ANP32B: variants seen among roughly 807,000 people sequenced by gnomAD.
ANP32B encodes the protein acidic leucine-rich nuclear phosphoprotein 32 family member B.
Under a neutral mutation model 32.2 loss-of-function variants are expected in ANP32B, and 6 were observed. That is an observed-to-expected ratio of 0.19 (90% CI 0.10 to 0.37). ANP32B has a LOEUF of 0.37. Ranked by LOEUF, ANP32B falls within the 10% of genes least tolerant of loss-of-function variation. The probability of loss-of-function intolerance (pLI) is 1.00; values close to 1 mark genes in which losing one functional copy is unlikely to be tolerated. For missense variants in ANP32B, 204 were observed against 289.2 expected (o/e 0.71, Z 2.14); for synonymous variants, 98 against 105.8 (o/e 0.93, Z 0.45).
At chr9:98,014,740 G>C (rs1828245878) in intron 6 of ANP32B, among the ~76,000 whole-genome samples, 1 of 152,158 alleles carries the variant, frequency 6.6e-6, no homozygotes, top group South Asian at 2.1e-4. Context: ...AGACGTGCTA[G>C]ATAGCACGAG....
At chr9:98,011,744 C>T (rs996275102) in intron 5 of ANP32B, among the ~76,000 whole-genome samples, 23 of 152,196 alleles carry the variant, frequency 1.5e-4, no homozygotes, top group African/African-American at 5.5e-4. Flanking sequence ...TTTACCAAGT[C>T]TAAACTTTTT....
chr9:98,010,330 C>T (rs1253510447), intron 4 of ANP32B, among the ~76,000 whole-genome samples: 1 of 147,504 alleles, frequency 6.8e-6, no homozygotes, highest in Non-Finnish European at 1.5e-5. Flanking sequence ...CACTTGTAAT[C>T]CCAACACTTG....
intron 2 of ANP32B, 50 bp downstream of exon 2, chr9:97,994,830 A>G (rs1483005243): frequency 3.3e-6 from 5 of 1,531,642 alleles, no homozygotes; most frequent in East Asian, 2.3e-5. Flanking sequence ...GGGAAGGGAA[A>G]ATGTATGATT....
intron 2 of ANP32B, among the ~76,000 whole-genome samples, chr9:97,995,488 C>T (rs890959995): frequency 6.6e-6 from 1 of 152,170 alleles, no homozygotes; most frequent in Non-Finnish European, 1.5e-5. Flanking sequence ...CTAAGGCACA[C>T]GTAGAAGGAA....
intron 4 of ANP32B, among the ~76,000 whole-genome samples, chr9:98,009,766 AT>A (rs1828148195): frequency 6.6e-6 from 1 of 152,258 alleles, no homozygotes; most frequent in South Asian, 2.1e-4. Flanking sequence ...CAGCATGAGT[AT>A]TTCTTTTCTT....
At chr9:97,995,851 C>T (rs1388272792) in intron 2 of ANP32B, among the ~76,000 whole-genome samples, 3 of 148,070 alleles carry the variant, frequency 2.0e-5, no homozygotes, top group East Asian at 2.0e-4. Flanking sequence ...TGAACCCAGG[C>T]GGTGGCTGAG....
At chr9:98,002,301 G>A (rs1790936451) in intron 3 of ANP32B, 1 of 152,164 alleles carries the variant, frequency 6.6e-6, no homozygotes, top group African/African-American at 2.4e-5. Flanking sequence ...GACAAAGAAG[G>A]CATCAATTCA....
chr9:98,015,227 C>A, intron 6 of ANP32B, 137 bp from the exon 7 acceptor site: 1 of 1,240,056 alleles, frequency 8.1e-7, no homozygotes, highest in Non-Finnish European at 1.1e-6. Context: ...TGCTATTAGT[C>A]ACCTATATTA....
intron 3 of ANP32B, among the ~76,000 whole-genome samples, chr9:98,003,363 C>T (rs1256123827): frequency 6.6e-6 from 1 of 152,160 alleles, no homozygotes; most frequent in African/African-American, 2.4e-5. Flanking sequence ...TAGCCCTTTT[C>T]TCTAAGGGCC....
chr9:97,991,719 C>T (rs1337065721), intron 1 of ANP32B, among the ~76,000 whole-genome samples: 1 of 152,152 alleles, frequency 6.6e-6, no homozygotes, highest in Non-Finnish European at 1.5e-5. Context: ...TGTATTCTTT[C>T]ACTTAGCAAT....
chr9:97,989,340 C>G (rs1827787462), intron 1 of ANP32B, among the ~76,000 whole-genome samples: 1 of 152,070 alleles, frequency 6.6e-6, no homozygotes, highest in Non-Finnish European at 1.5e-5. Flanking sequence ...CTGTAGAAAA[C>G]AAATATGAGT....
intron 3 of ANP32B, among the ~76,000 whole-genome samples, chr9:98,003,023 G>A (rs1828020412): frequency 6.6e-6 from 1 of 152,170 alleles, no homozygotes; most frequent in African/African-American, 2.4e-5. Context: ...TGGCATTGCA[G>A]CATTTTTTTC....
intron 1 of ANP32B, among the ~76,000 whole-genome samples, chr9:97,990,221 G>T (rs1001889215): frequency 2.1e-4 from 32 of 152,178 alleles, no homozygotes; most frequent in African/African-American, 7.7e-4. Flanking sequence ...TTATCACTGA[G>T]TGTGAGTGCA....
At chr9:97,983,848 CTT>C (rs901957124) in intron 1 of ANP32B, among the ~76,000 whole-genome samples, 10 of 151,952 alleles carry the variant, frequency 6.6e-5, no homozygotes, top group African/African-American at 2.4e-4. Flanking sequence ...GGAAAGCAAA[CTT>C]TGAGCGCTTC....
chr9:97,986,010 G>A (rs1334161075), intron 1 of ANP32B, among the ~76,000 whole-genome samples: 1 of 152,074 alleles, frequency 6.6e-6, no homozygotes, highest in African/African-American at 2.4e-5. Context: ...TAGTAGAGGC[G>A]GGGTTTCTCC....
Position 98,003,814 on chromosome 9 carries a change from C to T in ANP32B, c.328-1150C>T, listed in dbSNP as rs146677270. 4.0e-3 allele frequency among the ~76,000 whole-genome samples: 605 copies of T among 152,202 alleles called. 3 individuals carry two copies. The highest frequency in any genetic ancestry group is 0.013 in the African/African-American group (555 of 41,518). ...TTTAGTACTATCTTCTTAGAGAATA[C>T]CGAAGTTTTTCTCTTGATTCAGAAC... On this transcript the variant is annotated intron_variant, in intron 3 of 6. Transcript: ENST00000339399.
Position 98,012,444 on chromosome 9 carries a change from A to AGAAGAT in ANP32B, c.669_674dup (p.Asp228_Glu229dup). On this transcript the variant is annotated inframe_insertion, in exon 6 of 7. Transcript: ENST00000339399. ...AGGAAGAAGAATTTGGACTTGATGA[A>AGAAGAT]GAAGATGAAGATGAGGATGAGGATG... The AGAAGAT allele has an allele frequency of 6.2e-7, 1 of 1,610,148 alleles. No homozygotes were observed. The highest frequency in any genetic ancestry group is 8.5e-7 in the Non-Finnish European group (1 of 1,179,570).
chr9:98,001,868 G>A (rs760598652), intron 3 of ANP32B, among the ~76,000 whole-genome samples: 4 of 151,894 alleles, frequency 2.6e-5, no homozygotes, highest in African/African-American at 9.7e-5. Flanking sequence ...AAAAACCTTC[G>A]ATACAAAGTG....
chr9:97,987,765 A>T (rs547023137), intron 1 of ANP32B: 49 of 152,322 alleles, frequency 3.2e-4, no homozygotes, highest in African/African-American at 1.1e-3. Flanking sequence ...ACGTAGTCCC[A>T]ATTTACTGAG....
Sources: allele counts gnomAD v4.1 joint callset (sites outside exome capture counted in the v4.1 genomes callset), GRCh38; gene constraint gnomAD v4.1.1; transcripts MANE v1.5; gene names NCBI Gene and HGNC (gene_info 2026-07-23, HGNC 2026-07-21).